Variants in TAFA2 observed in about 807,000 individuals in gnomAD.
TAFA2 encodes TAFA chemokine like family member 2, also known as chemokine-like protein TAFA-2.
In TAFA2, 7 loss-of-function variants were observed where a neutral mutation model predicts 18.8. The observed-to-expected ratio is 0.37, with a 90% CI of 0.21 to 0.70. The LOEUF (loss-of-function observed/expected upper bound fraction) is 0.70, where lower values mean the gene tolerates loss of function less well. Ranked by LOEUF, TAFA2 falls within the 30% of genes least tolerant of loss-of-function variation. The probability of loss-of-function intolerance (pLI) is 0.53; values close to 1 mark genes in which losing one functional copy is unlikely to be tolerated. For missense variants in TAFA2, 122 were observed against 158.1 expected (o/e 0.77, Z 1.23); for synonymous variants, 60 against 54.2 (o/e 1.11, Z -0.47).
chr12:61,938,852 GC>G (rs1877880990), intron 1 of TAFA2, among the ~76,000 whole-genome samples: 1 of 151,962 alleles, frequency 6.6e-6, no homozygotes, highest in African/African-American at 2.4e-5. Context: ...TGGGAGCTCA[GC>G]TTTTGGTATG....
At chr12:61,986,389 C>T (rs898670955) in intron 1 of TAFA2, among the ~76,000 whole-genome samples, 5 of 151,522 alleles carry the variant, frequency 3.3e-5, no homozygotes, top group Non-Finnish European at 7.4e-5. Flanking sequence ...GTCTAGAACT[C>T]CTGACCTCAA....
At position 61,876,795 on chromosome 12, in the gene TAFA2, T is replaced by G. The variant is rs957934062; in HGVS notation, c.-1-9369A>C. 9.2e-5 allele frequency among the ~76,000 whole-genome samples: 14 copies of G among 152,286 alleles called. No homozygotes were observed. The South Asian group carries it at 2.3e-3, about 25-fold the overall frequency. On this transcript the variant is annotated intron_variant, in intron 1 of 4. Coordinates refer to ENST00000416284, the MANE Select transcript of TAFA2 (RefSeq NM_178539.5). ...AAAAGAAAAGAGTCCAAGAATAGAC[T>G]GTTTAATCAACTTCACTTGAATTCA...
rs143969369 is a variant in TAFA2, at chr12:61,964,364, C to T, written c.-1-96938G>A. Among the ~76,000 whole-genome samples the T allele has an allele frequency of 3.6e-3, 547 of 151,984 alleles. 1 individual carries two copies. The highest frequency in any genetic ancestry group is 0.012 in the African/African-American group (515 of 41,514). On this transcript the variant is annotated intron_variant, in intron 1 of 4. Coordinates refer to ENST00000416284, the MANE Select transcript of TAFA2 (RefSeq NM_178539.5). ...ATCCTAATTTAGACTATTGTTTTAA[C>T]CTAGATTTTTATAAAAGTCTCCTGA...
chr12:62,154,074 C>T (rs1182357476), intron 1 of TAFA2, among the ~76,000 whole-genome samples: 1 of 151,990 alleles, frequency 6.6e-6, no homozygotes, highest in South Asian at 2.1e-4. Context: ...TGCCACCACA[C>T]CTGGCTAAAT....
At chr12:62,183,924 A>T (rs1262495323) in intron 1 of TAFA2, among the ~76,000 whole-genome samples, 1 of 152,230 alleles carries the variant, frequency 6.6e-6, no homozygotes, top group Non-Finnish European at 1.5e-5. Context: ...AAAGACATGT[A>T]ACCCTAAAAA....
intron 1 of TAFA2, among the ~76,000 whole-genome samples, chr12:61,934,946 C>T (rs1347658892): frequency 1.3e-5 from 2 of 152,156 alleles, no homozygotes; most frequent in African/African-American, 4.8e-5. Flanking sequence ...GTGAAGAACA[C>T]ATATATCTCA....
chr12:61,740,941 T>C (rs1269943360), intron 4 of TAFA2, among the ~76,000 whole-genome samples: 2 of 151,996 alleles, frequency 1.3e-5, no homozygotes, highest in Non-Finnish European at 2.9e-5. Context: ...AAGTTCAATA[T>C]TAAACATTAT....
In TAFA2 at chr12:61,825,480, G is replaced by A. The variant is rs145375824; in HGVS notation, c.106+41840C>T. Among the ~76,000 whole-genome samples the A allele has an allele frequency of 4.6e-3, 703 of 152,250 alleles. 2 individuals carry two copies. The highest frequency in any genetic ancestry group is 6.8e-3 in the Non-Finnish European group (462 of 68,000). On this transcript the variant is annotated intron_variant, in intron 2 of 4. Coordinates refer to ENST00000416284, the MANE Select transcript of TAFA2 (RefSeq NM_178539.5). ...GGGCTAGTGAAACAGGGTATTTGAG[G>A]AGGAGAAAGGTAAGGGCAATAAGAT...
At chr12:62,142,694 G>A (rs151325073) in intron 1 of TAFA2, among the ~76,000 whole-genome samples, 22 of 152,246 alleles carry the variant, frequency 1.4e-4, no homozygotes, top group African/African-American at 5.3e-4. Flanking sequence ...GTATTTGCTG[G>A]AAGAGGGTAT....
At chr12:61,754,232 G>T (rs550438787) in intron 3 of TAFA2, among the ~76,000 whole-genome samples, 1 of 151,754 alleles carries the variant, frequency 6.6e-6, no homozygotes, top group Non-Finnish European at 1.5e-5. Flanking sequence ...GTTTATCAGA[G>T]TTATCATAAT....
At chr12:61,766,245 A>G (rs951438358) in intron 2 of TAFA2, among the ~76,000 whole-genome samples, 3 of 152,114 alleles carry the variant, frequency 2.0e-5, no homozygotes, top group Non-Finnish European at 4.4e-5. Context: ...CATTTTTTAT[A>G]CAATAATTCA....
At chr12:62,229,148 A>C (rs924639389) in intron 1 of TAFA2, among the ~76,000 whole-genome samples, 41 of 152,240 alleles carry the variant, frequency 2.7e-4, no homozygotes, top group African/African-American at 8.9e-4. Context: ...CTATTATGTC[A>C]TCTGCAAACA....
At chr12:62,052,693 C>T (rs932361879) in intron 1 of TAFA2, among the ~76,000 whole-genome samples, 1 of 152,088 alleles carries the variant, frequency 6.6e-6, no homozygotes, top group Non-Finnish European at 1.5e-5. Context: ...GCTGCTCTAC[C>T]TAAATTCTAA....
At chr12:62,015,205 G>A (rs970171029) in intron 1 of TAFA2, among the ~76,000 whole-genome samples, 1 of 151,430 alleles carries the variant, frequency 6.6e-6, no homozygotes. Context: ...TATATCATTT[G>A]TTTGTTCACT....
intron 2 of TAFA2, among the ~76,000 whole-genome samples, chr12:61,836,858 A>T (rs1872954959): frequency 6.6e-6 from 1 of 150,454 alleles, no homozygotes; most frequent in Non-Finnish European, 1.5e-5. Context: ...GAGAATTTGT[A>T]TTTCTTTGTG....
chr12:61,883,746 A>T (rs1565668488), intron 1 of TAFA2, among the ~76,000 whole-genome samples: 1 of 152,196 alleles, frequency 6.6e-6, no homozygotes, highest in Non-Finnish European at 1.5e-5. Context: ...GAGTCTAATG[A>T]TGTATTCACC....
intron 1 of TAFA2, among the ~76,000 whole-genome samples, chr12:61,997,685 A>C (rs1880243907): frequency 6.6e-6 from 1 of 152,126 alleles, no homozygotes; most frequent in Non-Finnish European, 1.5e-5. Context: ...CTAAACAGCA[A>C]TCCAGGAGAC....
intron 1 of TAFA2, among the ~76,000 whole-genome samples, chr12:62,094,961 G>C (rs1311555926): frequency 6.6e-6 from 1 of 152,042 alleles, no homozygotes; most frequent in African/African-American, 2.4e-5. Flanking sequence ...TAAAGCATTA[G>C]CCATTAACAA....
chr12:61,748,141 G>A (rs767796522), intron 4 of TAFA2, among the ~76,000 whole-genome samples: 4 of 151,846 alleles, frequency 2.6e-5, no homozygotes, highest in Non-Finnish European at 5.9e-5. Flanking sequence ...GGAAGGAAAG[G>A]AGGAAGGGAG....
Sources: gnomAD v4.1 joint callset for allele counts (sites outside exome capture counted in the v4.1 genomes callset) on GRCh38, gnomAD v4.1.1 for gene constraint, MANE v1.5 for transcripts, NCBI Gene and HGNC (gene_info 2026-07-23, HGNC 2026-07-21) for gene names.